The following PIKFYVE variants were observed in gnomAD, a reference collection of about 807,000 sequenced individuals.
PIKFYVE encodes the protein 1-phosphatidylinositol 3-phosphate 5-kinase.
In PIKFYVE, 122 loss-of-function variants were observed where a neutral mutation model predicts 257.9. The observed-to-expected ratio is 0.47, with a 90% CI of 0.41 to 0.55. PIKFYVE has a LOEUF of 0.55. Among genes scored for constraint, PIKFYVE ranks in the 20% least tolerant of loss-of-function variants. PIKFYVE has a pLI of 0.00. For missense variants in PIKFYVE, 2,160 were observed against 2,536.6 expected, an observed-to-expected ratio of 0.85 and a Z score of 3.19; for synonymous variants, 892 against 868.9, an observed-to-expected ratio of 1.03 and a Z score of -0.47.
In PIKFYVE at chr2:208,273,485, T is replaced by TAATA. The variant is rs1046907042; in HGVS notation, c.173-98_173-95dup. 90 of 1,428,274 alleles carry TAATA rather than the reference T, an allele frequency of 6.3e-5. 2 individuals are homozygous for TAATA. The African/African-American group carries it at 9.6e-4, about 15-fold the overall frequency. 88.5% of individuals were successfully genotyped at this position (1,428,274 alleles called of 1,614,324 possible). On this transcript the variant is annotated intron_variant, in intron 2 of 41. Coordinates refer to ENST00000264380, the MANE Select transcript of PIKFYVE (RefSeq NM_015040.4). ...AAAAAAAAATTTTTAGTTACGCATA[T>TAATA]AATACATGCATACATTGTTGCCTGA... is the stretch of plus-strand genomic sequence containing the variant.
Position 208,338,535 on chromosome 2 carries a change from A to T in PIKFYVE, c.4639A>T (p.Asn1547Tyr). The T allele has an allele frequency of 6.2e-7, 1 of 1,613,542 alleles. No individual in the cohort carries two copies. Among genetic ancestry groups the T allele is most frequent in the Non-Finnish European group, 8.5e-7 (1 of 1,179,548 alleles). ...AAGTGCGATGGATGCATCTCCACGG[A>T]ATATTTCTCCAGGACTTCAGAATGG... ...KISAMDASPR[N>Y]ISPGLQNGEK... The change falls in exon 29 of 42, where the codon AAT (asparagine) becomes TAT (tyrosine). Residue 1547 changes from asparagine to tyrosine, a missense_variant. By Grantham distance (143) the Asn-to-Tyr change is moderately radical. Coordinates refer to ENST00000264380, the MANE Select transcript of PIKFYVE (RefSeq NM_015040.4).
At chr2:208,312,928 GGC>G (rs1695083806) in intron 13 of PIKFYVE, among the ~76,000 whole-genome samples, 2 of 152,184 alleles carry the variant, frequency 1.3e-5, no homozygotes, top group African/African-American at 4.8e-5. Flanking sequence ...AAAGAGAGAA[GGC>G]AAGCGGGTAC....
chr2:208,342,794 CTTTTTTT>C (rs35986928), intron 32 of PIKFYVE, 145 bp downstream of exon 32: 5 of 380,110 alleles, frequency 1.3e-5, no homozygotes, highest in Admixed American at 4.4e-5. Context: ...ATAGCTTGTT[CTTTTTTT>C]TTTTTTTTTT....
At chr2:208,280,126 T>A (rs1247188650) in intron 5 of PIKFYVE, among the ~76,000 whole-genome samples, 1 of 152,200 alleles carries the variant, frequency 6.6e-6, no homozygotes, top group African/African-American at 2.4e-5. Context: ...GAGCTCCCAT[T>A]ACCCTCAGGA....
chr2:208,355,302 C>G lies in PIKFYVE; in HGVS notation c.6294C>G (p.Cys2098Trp). The change falls in exon 42 of 42, where the codon TGC (cysteine) becomes TGG (tryptophan). Residue 2098 changes from cysteine to tryptophan, a missense_variant. Cys to Trp is a radical substitution (Grantham distance 215, BLOSUM62 -2). This residue lies in a region of PIKFYVE where 38 missense variants were observed against 77.7 expected (regional missense o/e 0.49). Transcript: ENST00000264380. ...PDHWTGLGLNC is the reference protein window; with the variant it reads ...PDHWTGLGLNW ...ACTGGACAGGCTTGGGTCTGAATTGCTGAAATCAAGCACATATTTTGAAAT... is the reference window on the plus strand; with the variant it reads ...ACTGGACAGGCTTGGGTCTGAATTGGTGAAATCAAGCACATATTTTGAAAT... The G allele has an allele frequency of 6.2e-7, 1 of 1,610,414 alleles. No individual in the cohort carries two copies. Among genetic ancestry groups the G allele is most frequent in the Non-Finnish European group, 8.5e-7 (1 of 1,176,758 alleles).
intron 34 of PIKFYVE, among the ~76,000 whole-genome samples, chr2:208,347,618 TC>T (rs1699349979): frequency 6.6e-6 from 1 of 152,202 alleles, no homozygotes; most frequent in South Asian, 2.1e-4. Flanking sequence ...TAACCTTCTA[TC>T]TTTTTTTATG....
intron 14 of PIKFYVE, among the ~76,000 whole-genome samples, chr2:208,314,899 GAAA>G (rs1359434565): frequency 5.3e-5 from 1 of 19,044 alleles, no homozygotes; most frequent in African/African-American, 7.2e-5. Context: ...TCGTCTCAGA[GAAA>G]AAAAACAAAA....
intron 35 of PIKFYVE, 23 bp downstream of exon 35, chr2:208,348,046 T>C: frequency 6.2e-7 from 1 of 1,611,980 alleles, no homozygotes; most frequent in South Asian, 1.1e-5. Flanking sequence ...AGAGTAAATG[T>C]GCTTATTCTA....
At chr2:208,288,226 T>C (rs1691835914) in intron 6 of PIKFYVE, among the ~76,000 whole-genome samples, 1 of 152,202 alleles carries the variant, frequency 6.6e-6, no homozygotes, top group Non-Finnish European at 1.5e-5. Flanking sequence ...CATATCTCTG[T>C]GGTAGGCACT....
Position 208,330,595 on chromosome 2 carries a change from C to T in PIKFYVE, c.3864C>T (p.Gly1288=). Residue 1288 remains glycine, a synonymous_variant, in exon 23 of 42, where the codon GGC becomes GGT. Transcript: ENST00000264380. The part of the protein sequence containing the change: ...MVHHIRRFVH[G]QGCVQIILKE... ...ATCATATTCGGCGCTTTGTTCATGG[C>T]CAAGGCTGTGTGCAGATAATCCTGA... 1 of 1,614,160 alleles carries T rather than the reference C, an allele frequency of 6.2e-7. No homozygotes were observed. Among genetic ancestry groups the T allele is most frequent in the Non-Finnish European group, 8.5e-7 (1 of 1,180,024 alleles).
chr2:208,285,843 C>G lies in PIKFYVE; in HGVS notation c.731C>G (p.Ser244Cys). Residue 244 changes from serine to cysteine, a missense_variant, in exon 6 of 42, where the codon TCT becomes TGT. Ser to Cys is a moderately radical substitution (Grantham distance 112). Coordinates refer to ENST00000264380, the MANE Select transcript of PIKFYVE (RefSeq NM_015040.4). ...CTTTCAGATTCTGCTTGCTCTGTGT[C>G]TGTGCTTGATCCAAGTGAACCCCGA... is the stretch of plus-strand genomic sequence containing the variant. ...NALSDSACSV[S>C]VLDPSEPRTP... 16 of 1,614,042 alleles carry G rather than the reference C, an allele frequency of 9.9e-6. No homozygotes were observed. The highest frequency in any genetic ancestry group is 1.4e-5 in the Non-Finnish European group (16 of 1,179,988).
intron 36 of PIKFYVE, among the ~76,000 whole-genome samples, chr2:208,350,304 T>C (rs527541216): frequency 2.6e-5 from 4 of 152,286 alleles, no homozygotes; most frequent in African/African-American, 9.6e-5. Flanking sequence ...TTGTAAATTA[T>C]GCTCTTATTT....
intron 14 of PIKFYVE, among the ~76,000 whole-genome samples, chr2:208,314,984 G>A (rs1695328318): frequency 6.6e-6 from 1 of 152,104 alleles, no homozygotes; most frequent in Non-Finnish European, 1.5e-5. Context: ...AATTGCAGGG[G>A]ACTTCTTAGT....
chr2:208,318,025 A>G (rs1401080307), intron 16 of PIKFYVE, 84 bp downstream of exon 16: 1 of 1,354,232 alleles, frequency 7.4e-7, no homozygotes, highest in African/African-American at 1.4e-5. Context: ...TAGTTATGGA[A>G]GAAATGGACA....
Position 208,298,627 on chromosome 2 carries a change from G to A in PIKFYVE, c.912-14G>A. 1 of 1,613,774 alleles carries A rather than the reference G, an allele frequency of 6.2e-7. No homozygotes were observed. Among genetic ancestry groups the A allele is most frequent in the Non-Finnish European group, 8.5e-7 (1 of 1,179,810 alleles). On this transcript the variant is annotated splice_polypyrimidine_tract_variant and intron_variant, in intron 7 of 41. Coordinates refer to ENST00000264380, the MANE Select transcript of PIKFYVE (RefSeq NM_015040.4). ...ATTTACACCTGTGATTTCACTTCTT[G>A]TTTTTATTTCCAGATCAGCCAGCAT... is the stretch of plus-strand genomic sequence containing the variant.
chr2:208,283,443 C>G (rs899674953), intron 5 of PIKFYVE, among the ~76,000 whole-genome samples: 5 of 152,178 alleles, frequency 3.3e-5, no homozygotes, highest in African/African-American at 1.2e-4. Context: ...TTAGGCTTGG[C>G]TCTGTTTATT....
intron 21 of PIKFYVE, 30 bp downstream of exon 21, chr2:208,328,310 A>G (rs1489284807): frequency 6.2e-7 from 1 of 1,612,700 alleles, no homozygotes; most frequent in Non-Finnish European, 8.5e-7. Context: ...ACACTATTCC[A>G]CATAAGAACA....
At position 208,357,486 on chromosome 2, in the gene PIKFYVE, A is replaced by G. The variant is rs941716310; in HGVS notation, c.*2181A>G. 2 of 152,254 alleles carry G rather than the reference A, an allele frequency of 1.3e-5. No individual in the cohort carries two copies. Among genetic ancestry groups the G allele is most frequent in the African/African-American group, 4.8e-5 (2 of 41,470 alleles). 9.4% of individuals were successfully genotyped at this position (152,254 alleles called of 1,614,324 possible). A position where few individuals can be genotyped will look rare whatever the true frequency, so the allele number is the denominator to read the frequency against. On this transcript the variant is annotated 3_prime_UTR_variant, in exon 42 of 42. Transcript: ENST00000264380. The stretch of plus-strand genomic sequence containing the variant: ...CCTGTTGATTTTGTTTTCCTTGCCC[A>G]TGACTTGAACAACTGTGTTTTAAAG...
chr2:208,343,179 A>C (rs1252794602), intron 32 of PIKFYVE, among the ~76,000 whole-genome samples: 1 of 152,230 alleles, frequency 6.6e-6, no homozygotes, highest in Non-Finnish European at 1.5e-5. Flanking sequence ...CTAATAACTA[A>C]ATTGACTTGG....
Sources: allele counts gnomAD v4.1 joint callset (sites outside exome capture counted in the v4.1 genomes callset), GRCh38; gene constraint gnomAD v4.1.1; regional missense constraint gnomAD v4.1.1; transcripts MANE v1.5; gene names NCBI Gene and HGNC (gene_info 2026-07-23, HGNC 2026-07-21).